Variants in MEIOB observed in about 807,000 individuals in gnomAD.
The protein encoded by MEIOB is meiosis specific with OB-fold.
A neutral mutation model predicts 53.1 loss-of-function variants in MEIOB; 50 were observed. The ratio of observed to expected loss-of-function variants is 0.94; its 90% confidence interval spans 0.75 to 1.19. The LOEUF is 1.19. MEIOB is among the 50% of genes most tolerant of loss of function. The pLI is 0.00. For missense variants in MEIOB, 551 were observed against 550.8 expected (o/e 1.00, Z 0.00); for synonymous variants, 192 against 182.5 (o/e 1.05, Z -0.42).
chr16:1,865,406 T>G (rs1248809231), intron 3 of MEIOB, among the ~76,000 whole-genome samples: 1 of 147,602 alleles, frequency 6.8e-6, no homozygotes, highest in African/African-American at 2.5e-5. Flanking sequence ...CACTCCAGCC[T>G]GAGTGACAGA....
chr16:1,849,600 A>G (rs986336370), intron 9 of MEIOB, among the ~76,000 whole-genome samples: 4 of 152,046 alleles, frequency 2.6e-5, no homozygotes, highest in Admixed American at 6.6e-5. Context: ...CCATCATGGG[A>G]CATGTATACC....
chr16:1,868,641 G>A (rs554430797), intron 1 of MEIOB, among the ~76,000 whole-genome samples: 122 of 152,180 alleles, frequency 8.0e-4, no homozygotes, highest in African/African-American at 2.6e-3. Context: ...GGATCACAGG[G>A]TCAGGAGATC....
In MEIOB at chr16:1,844,967, A is replaced by G; in HGVS notation, c.779-4T>C. 1 of 1,289,908 alleles carries G rather than the reference A, an allele frequency of 7.8e-7. No individual in the cohort carries two copies. Among genetic ancestry groups the G allele is most frequent in the Non-Finnish European group, 1.1e-6 (1 of 907,636 alleles). The allele number at this position is 1,289,908 out of a possible 1,614,324, so 79.9% of individuals were successfully genotyped here. On this transcript the variant is annotated splice_region_variant and splice_polypyrimidine_tract_variant and intron_variant, in intron 9 of 13. Transcript: ENST00000325962. Reference sequence around the variant, plus strand: ...AGAATGTTAGCTTCTGGTATATCTTAAATTGAAAATGCATAATAAGTAAAA... The same window carrying G: ...AGAATGTTAGCTTCTGGTATATCTTGAATTGAAAATGCATAATAAGTAAAA...
intron 3 of MEIOB, among the ~76,000 whole-genome samples, chr16:1,862,919 T>C (rs1389234881): frequency 6.6e-6 from 1 of 150,896 alleles, no homozygotes; most frequent in East Asian, 2.0e-4. Flanking sequence ...AATAAATAAA[T>C]AAATAATAAT....
chr16:1,837,722 A>C, intron 13 of MEIOB, 62 bp downstream of exon 13: 1 of 858,656 alleles, frequency 1.2e-6, no homozygotes, highest in Non-Finnish European at 1.8e-6. Flanking sequence ...GGTTTTTCTT[A>C]TGGTTTGAAT....
intron 9 of MEIOB, among the ~76,000 whole-genome samples, chr16:1,847,251 CAGG>C (rs1899049683): frequency 6.6e-6 from 1 of 151,844 alleles, no homozygotes. Flanking sequence ...CACCTGAGGT[CAGG>C]AGTTCAAGAC....
chr16:1,836,608 C>G (rs9652777), intron 13 of MEIOB, among the ~76,000 whole-genome samples: 27,385 of 150,904 alleles, frequency 0.18, 2,950 homozygotes, highest in South Asian at 0.27. Context: ...AGAAATATTG[C>G]TAAGGCCACT....
intron 1 of MEIOB, 110 bp from the exon 2 acceptor site, chr16:1,868,294 T>C (rs890702526): frequency 1.1e-5 from 6 of 563,310 alleles, no homozygotes; most frequent in African/African-American, 5.7e-5. Context: ...TGGTGGCTCA[T>C]ACCTGTAATC....
At chr16:1,847,600 G>A (rs1567275402) in intron 9 of MEIOB, among the ~76,000 whole-genome samples, 2 of 151,160 alleles carry the variant, frequency 1.3e-5, no homozygotes, top group Admixed American at 6.6e-5. Flanking sequence ...GAAAAGAGAA[G>A]AGGGGAGGGG....
chr16:1,842,622 T>TAAAAAAAAAAAAAAAAAAAAAA (rs1567273734), intron 10 of MEIOB, among the ~76,000 whole-genome samples: 1 of 52,878 alleles, frequency 1.9e-5, no homozygotes, highest in African/African-American at 9.5e-5. Flanking sequence ...AAACTCCATC[T>TAAAAAAAAAAAAAAAAAAAAAA]CAAAAAGACA....
At chr16:1,860,192 T>G (rs1307965026) in intron 5 of MEIOB, among the ~76,000 whole-genome samples, 2 of 152,246 alleles carry the variant, frequency 1.3e-5, no homozygotes, top group African/African-American at 2.4e-5. Context: ...AGAATGAGAA[T>G]CAAAGTACTA....
At position 1,837,802 on chromosome 16, in the gene MEIOB, T is replaced by C. The variant is rs1028737963; in HGVS notation, c.1287A>G (p.Arg429=). The C allele has an allele frequency of 8.5e-6, 13 of 1,536,804 alleles. No homozygotes were observed. Among genetic ancestry groups the C allele is most frequent in the African/African-American group, 1.4e-5 (1 of 72,588 alleles). The part of the protein sequence containing the change: ...TALKWQFLLE[R]SKIYLKFVLS... ...CACTAACTTTTAAATAAATTTTGCT[T>C]CTTTCCAAGAGAAATTGCCACTTTA... is the stretch of plus-strand genomic sequence containing the variant. The change falls in exon 13 of 14, where the codon AGA becomes AGG. Residue 429 remains arginine, a synonymous_variant. Transcript: ENST00000325962.
At chr16:1,835,862 CTTTT>C (rs34146401) in intron 13 of MEIOB, among the ~76,000 whole-genome samples, 26,256 of 142,768 alleles carry the variant, frequency 0.18, 2,401 homozygotes, top group South Asian at 0.28. Context: ...ATTCCTTTTT[CTTTT>C]TTTTTTTTTT....
intron 12 of MEIOB, chr16:1,838,089 C>T (rs528391738): frequency 9.0e-6 from 7 of 775,344 alleles, no homozygotes; most frequent in African/African-American, 5.3e-5. Context: ...CTCGAACTCC[C>T]GGGGTCAAGC....
At chr16:1,871,065 G>A (rs1363014919) in intron 1 of MEIOB, among the ~76,000 whole-genome samples, 1 of 151,874 alleles carries the variant, frequency 6.6e-6, no homozygotes, top group African/African-American at 2.4e-5. Flanking sequence ...AGAGGTATAT[G>A]GTAATAGACG....
intron 6 of MEIOB, among the ~76,000 whole-genome samples, 183 bp from the exon 7 acceptor site, chr16:1,854,383 G>A (rs988445595): frequency 6.6e-6 from 1 of 152,232 alleles, no homozygotes; most frequent in African/African-American, 2.4e-5. Context: ...GTACGTAGCT[G>A]AAGTTGTAAG....
chr16:1,843,333 A>G (rs1286870577), intron 10 of MEIOB: 1 of 151,914 alleles, frequency 6.6e-6, no homozygotes, highest in African/African-American at 2.4e-5. Context: ...AATAAAGTAC[A>G]TCACAAAACA....
At position 1,857,768 on chromosome 16, in the gene MEIOB, C is replaced by A; in HGVS notation, c.495G>T (p.Gly165=). The stretch of plus-strand genomic sequence containing the variant: ...CAGCTGCAAGCACGTTAATAATCCT[C>A]CCATTAAGACTGTGTCCATTTGCAA... ...DIVANGHSLN[G]RIINVLAAVK... Residue 165 remains glycine, a synonymous_variant, in exon 6 of 14, where the codon GGG becomes GGT. Coordinates refer to ENST00000325962, the MANE Select transcript of MEIOB (RefSeq NM_001163560.3). The A allele has an allele frequency of 6.4e-7, 1 of 1,551,256 alleles. No homozygotes were observed. The highest frequency in any genetic ancestry group is 8.7e-7 in the Non-Finnish European group (1 of 1,146,870).
At chr16:1,860,170 T>A (rs1237979691) in intron 5 of MEIOB, among the ~76,000 whole-genome samples, 1 of 152,242 alleles carries the variant, frequency 6.6e-6, no homozygotes, top group Non-Finnish European at 1.5e-5. Flanking sequence ...AAGTCAAATT[T>A]TTGTAAATCT....
Sources: gnomAD v4.1 joint callset for allele counts (sites outside exome capture counted in the v4.1 genomes callset) on GRCh38, gnomAD v4.1.1 for gene constraint, MANE v1.5 for transcripts, NCBI Gene and HGNC (gene_info 2026-07-23, HGNC 2026-07-21) for gene names.